Variants in ITGBL1 observed in about 807,000 individuals in gnomAD.
ITGBL1 encodes the protein integrin subunit beta like 1.
A neutral mutation model predicts 68.5 loss-of-function variants in ITGBL1; 51 were observed. That is an observed-to-expected ratio of 0.74 (90% CI 0.59 to 0.94). The LOEUF (loss-of-function observed/expected upper bound fraction) is 0.94, where lower values mean the gene tolerates loss of function less well. Ranked by LOEUF, ITGBL1 falls within the 40% of genes least tolerant of loss-of-function variation. The pLI, the probability that ITGBL1 is intolerant of heterozygous loss-of-function variation, is 0.00. For synonymous variants in ITGBL1, 209 were observed against 227.3 expected (o/e 0.92, Z 0.72); for missense variants, 649 against 647.4 (o/e 1.00, Z -0.03).
intron 7 of ITGBL1, among the ~76,000 whole-genome samples, chr13:101,686,721 T>C (rs1043387274): frequency 2.6e-5 from 4 of 152,040 alleles, no homozygotes; most frequent in Non-Finnish European, 5.9e-5. Flanking sequence ...TGGGCGAGGG[T>C]GCTGTGGTCT....
At chr13:101,708,070 TACAC>T (rs1566800787) in intron 9 of ITGBL1, among the ~76,000 whole-genome samples, 1 of 124,372 alleles carries the variant, frequency 8.0e-6, no homozygotes, top group Admixed American at 7.6e-5. Context: ...CACACACACA[TACAC>T]ACAAATTGGA....
chr13:101,519,334 C>T (rs114719818), intron 2 of ITGBL1, among the ~76,000 whole-genome samples: 133 of 152,214 alleles, frequency 8.7e-4, no homozygotes, highest in African/African-American at 3.1e-3. Flanking sequence ...CTATTGAGCA[C>T]TTGAAATAAG....
At chr13:101,513,351 C>CA (rs931466368) in intron 2 of ITGBL1, among the ~76,000 whole-genome samples, 1 of 152,000 alleles carries the variant, frequency 6.6e-6, no homozygotes, top group Non-Finnish European at 1.5e-5. Flanking sequence ...CTGCTTATGG[C>CA]ATAAGGCAGG....
intron 2 of ITGBL1, among the ~76,000 whole-genome samples, chr13:101,486,559 G>A (rs934966892): frequency 6.6e-6 from 1 of 152,122 alleles, no homozygotes; most frequent in African/African-American, 2.4e-5. Context: ...AAGATACTGG[G>A]GAAAAACACA....
chr13:101,537,088 T>A (rs897866291), intron 2 of ITGBL1, among the ~76,000 whole-genome samples: 2 of 151,984 alleles, frequency 1.3e-5, no homozygotes, highest in Non-Finnish European at 2.9e-5. Context: ...TGTAAGCATA[T>A]AGAGGTGACA....
At chr13:101,599,286 TG>T (rs1276533589) in intron 7 of ITGBL1, among the ~76,000 whole-genome samples, 3 of 152,018 alleles carry the variant, frequency 2.0e-5, no homozygotes, top group African/African-American at 7.2e-5. Context: ...TGGGGTTGTT[TG>T]TTTTTTTCTT....
chr13:101,622,366 T>C (rs2031616831), intron 7 of ITGBL1, among the ~76,000 whole-genome samples: 1 of 152,158 alleles, frequency 6.6e-6, no homozygotes, highest in Non-Finnish European at 1.5e-5. Context: ...CCTATTTCCA[T>C]CAATACCAAT....
intron 8 of ITGBL1, among the ~76,000 whole-genome samples, chr13:101,700,385 G>A (rs2139573262): frequency 6.6e-6 from 1 of 152,268 alleles, no homozygotes; most frequent in South Asian, 2.1e-4. Flanking sequence ...CACCAAAATA[G>A]ATTTCCATGT....
At chr13:101,465,604 C>T (rs546263124) in intron 2 of ITGBL1, among the ~76,000 whole-genome samples, 1 of 152,154 alleles carries the variant, frequency 6.6e-6, no homozygotes, top group Non-Finnish European at 1.5e-5. Flanking sequence ...CCTTAAGAAG[C>T]AGCTTGCATC....
intron 7 of ITGBL1, among the ~76,000 whole-genome samples, chr13:101,662,143 G>A (rs2033104645): frequency 1.3e-5 from 2 of 152,138 alleles, no homozygotes; most frequent in South Asian, 2.1e-4. Context: ...AACTATCACT[G>A]TTTGGACTGA....
At chr13:101,628,642 A>G (rs1360962274) in intron 7 of ITGBL1, among the ~76,000 whole-genome samples, 5 of 148,468 alleles carry the variant, frequency 3.4e-5, no homozygotes, top group African/African-American at 1.3e-4. Flanking sequence ...GTGTTTCACC[A>G]TGTTGTCCAG....
At chr13:101,633,528 C>T (rs2032059759) in intron 7 of ITGBL1, among the ~76,000 whole-genome samples, 1 of 152,112 alleles carries the variant, frequency 6.6e-6, no homozygotes, top group African/African-American at 2.4e-5. Context: ...TGTGAGTTGT[C>T]AGCCAAAAAA....
chr13:101,671,268 A>G (rs1479969483), intron 7 of ITGBL1, among the ~76,000 whole-genome samples: 4 of 152,142 alleles, frequency 2.6e-5, no homozygotes, highest in Non-Finnish European at 5.9e-5. Flanking sequence ...AACAAAAATT[A>G]ATTACATGAA....
chr13:101,627,642 G>A (rs189709048), intron 7 of ITGBL1, among the ~76,000 whole-genome samples: 11 of 152,132 alleles, frequency 7.2e-5, no homozygotes, highest in Admixed American at 7.2e-4. Flanking sequence ...ACAACCCCTG[G>A]CAAGCACGGA....
chr13:101,589,587 A>G (rs1035817457), intron 6 of ITGBL1, among the ~76,000 whole-genome samples: 3 of 152,194 alleles, frequency 2.0e-5, no homozygotes, highest in Non-Finnish European at 4.4e-5. Flanking sequence ...GCCATCTTGA[A>G]CTAAACAATG....
At chr13:101,494,345 T>A (rs2048824244) in intron 2 of ITGBL1, among the ~76,000 whole-genome samples, 1 of 152,230 alleles carries the variant, frequency 6.6e-6, no homozygotes, top group Non-Finnish European at 1.5e-5. Context: ...CAGATTGTAT[T>A]TATGATTCCT....
intron 6 of ITGBL1, among the ~76,000 whole-genome samples, chr13:101,594,944 C>T (rs1011671360): frequency 3.9e-5 from 6 of 152,094 alleles, no homozygotes; most frequent in African/African-American, 1.4e-4. Context: ...CGTGTTGACG[C>T]ACACCTGTAG....
intron 2 of ITGBL1, among the ~76,000 whole-genome samples, chr13:101,493,681 AC>A (rs2048814164): frequency 6.6e-6 from 1 of 152,208 alleles, no homozygotes; most frequent in Non-Finnish European, 1.5e-5. Flanking sequence ...ATGCCTGATG[AC>A]AAAATGTCCT....
At chr13:101,683,779 A>C (rs1224053105) in intron 7 of ITGBL1, among the ~76,000 whole-genome samples, 1 of 151,946 alleles carries the variant, frequency 6.6e-6, no homozygotes, top group Non-Finnish European at 1.5e-5. Flanking sequence ...GTTGGGGCAG[A>C]ATCTTTTTGT....
Sources: gnomAD v4.1 joint callset for allele counts (sites outside exome capture counted in the v4.1 genomes callset) on GRCh38, gnomAD v4.1.1 for gene constraint, MANE v1.5 for transcripts, NCBI Gene and HGNC (gene_info 2026-07-23, HGNC 2026-07-21) for gene names.